COBLL1: variants seen among roughly 807,000 people sequenced by gnomAD.
COBLL1 encodes cordon-bleu protein-like 1.
In COBLL1, 50 loss-of-function variants were observed where a neutral mutation model predicts 94.8. That is an observed-to-expected ratio of 0.53 (90% CI 0.42 to 0.67). The LOEUF (loss-of-function observed/expected upper bound fraction) is 0.67, where lower values mean the gene tolerates loss of function less well. COBLL1 is among the 30% of genes least tolerant of loss of function. The pLI, the probability that COBLL1 is intolerant of heterozygous loss-of-function variation, is 0.00. For missense variants in COBLL1, 1,362 were observed against 1,348.7 expected (o/e 1.01, Z -0.15); for synonymous variants, 448 against 473.8 (o/e 0.95, Z 0.71).
intron 2 of COBLL1, among the ~76,000 whole-genome samples, chr2:164,825,237 G>A (rs928069258): frequency 6.6e-6 from 1 of 152,098 alleles, no homozygotes; most frequent in Non-Finnish European, 1.5e-5. Flanking sequence ...TTAATTAGTG[G>A]AAATTTGAAT....
At chr2:164,660,259 T>G (rs1691048975) in intron 2 of COBLL1, among the ~76,000 whole-genome samples, 2 of 152,178 alleles carry the variant, frequency 1.3e-5, no homozygotes, top group African/African-American at 2.4e-5. Context: ...ATTTGGAAAT[T>G]AAGGCTGTAC....
intron 2 of COBLL1, among the ~76,000 whole-genome samples, chr2:164,768,088 G>A (rs1185810546): frequency 6.6e-6 from 1 of 152,104 alleles, no homozygotes; most frequent in East Asian, 1.9e-4. Flanking sequence ...CAGGATTGCT[G>A]GAGAACTGTG....
At chr2:164,736,276 T>C (rs1035659469) in intron 3 of COBLL1, among the ~76,000 whole-genome samples, 2 of 152,166 alleles carry the variant, frequency 1.3e-5, no homozygotes, top group Non-Finnish European at 2.9e-5. Flanking sequence ...ACCCATGTAG[T>C]TCAGTAATGA....
intron 2 of COBLL1, among the ~76,000 whole-genome samples, chr2:164,753,753 T>TG (rs935499415): frequency 6.6e-6 from 1 of 151,606 alleles, no homozygotes; most frequent in Non-Finnish European, 1.5e-5. Context: ...TTTTTTTTTT[T>TG]TTTTTTAAGA....
chr2:164,830,532 A>G (rs1218216043), intron 2 of COBLL1, among the ~76,000 whole-genome samples: 1 of 152,234 alleles, frequency 6.6e-6, no homozygotes, highest in Non-Finnish European at 1.5e-5. Flanking sequence ...TTAGAAAGCT[A>G]TAAAAATTCT....
chr2:164,734,735 G>A (rs762497353), intron 3 of COBLL1, among the ~76,000 whole-genome samples: 1 of 152,150 alleles, frequency 6.6e-6, no homozygotes, highest in Non-Finnish European at 1.5e-5. Context: ...GGGCAGGATT[G>A]GAGGGACAAA....
chr2:164,787,797 TATA>T (rs1444913732), intron 2 of COBLL1, among the ~76,000 whole-genome samples: 1 of 152,224 alleles, frequency 6.6e-6, no homozygotes. Context: ...TTGTATTTAC[TATA>T]ATAATAGCTT....
At chr2:164,836,117 T>C (rs941556676) in intron 2 of COBLL1, among the ~76,000 whole-genome samples, 3 of 152,120 alleles carry the variant, frequency 2.0e-5, no homozygotes, top group Non-Finnish European at 4.4e-5. Context: ...TTTTAATAAA[T>C]AATTTCATTT....
chr2:164,835,170 C>T (rs899644088), intron 2 of COBLL1, among the ~76,000 whole-genome samples: 1 of 152,130 alleles, frequency 6.6e-6, no homozygotes, highest in Admixed American at 6.5e-5. Flanking sequence ...TCTAACAACA[C>T]ACCCAAAAGA....
At position 164,695,694 on chromosome 2, in the gene COBLL1, C is replaced by T. The variant is rs755269804; in HGVS notation, c.1698G>A (p.Glu566=). 24 of 1,613,720 alleles carry T rather than the reference C, an allele frequency of 1.5e-5. No individual in the cohort carries two copies. The highest frequency in any genetic ancestry group is 1.9e-5 in the Non-Finnish European group (23 of 1,179,876). The part of the protein sequence containing the change: ...DMEVERPSNS[E]AHETDTAISY... ...TTATAGCAGTATCAGTTTCATGTGCCTCAGAGTTTGATGGTCTCTCAACTT... is the reference window on the plus strand; with the variant it reads ...TTATAGCAGTATCAGTTTCATGTGCTTCAGAGTTTGATGGTCTCTCAACTT... Residue 566 remains glutamate, a synonymous_variant, in exon 12 of 14, where the codon GAG becomes GAA. Transcript: ENST00000652658.
intron 2 of COBLL1, among the ~76,000 whole-genome samples, chr2:164,660,300 A>C (rs1473436280): frequency 6.6e-6 from 1 of 152,200 alleles, no homozygotes; most frequent in Non-Finnish European, 1.5e-5. Flanking sequence ...GTAAGTAAAC[A>C]GGGAAATAAA....
intron 7 of COBLL1, among the ~76,000 whole-genome samples, chr2:164,706,617 T>C (rs905891881): frequency 3.6e-4 from 55 of 152,316 alleles, no homozygotes; most frequent in African/African-American, 1.3e-3. Context: ...CAGCCTTCCC[T>C]GTCTTAGTAA....
intron 2 of COBLL1, among the ~76,000 whole-genome samples, chr2:164,793,879 C>A (rs1272984920): frequency 1.3e-5 from 2 of 152,148 alleles, no homozygotes; most frequent in African/African-American, 4.8e-5. Flanking sequence ...TCATTAGCAT[C>A]ATCTATTAGG....
chr2:164,760,975 A>G (rs957158967), intron 2 of COBLL1, among the ~76,000 whole-genome samples: 1 of 152,224 alleles, frequency 6.6e-6, no homozygotes, highest in African/African-American at 2.4e-5. Flanking sequence ...ATCCCCATCA[A>G]TAACTGTTGT....
chr2:164,781,365 A>G (rs879869059), intron 2 of COBLL1, among the ~76,000 whole-genome samples: 1 of 152,228 alleles, frequency 6.6e-6, no homozygotes, highest in Non-Finnish European at 1.5e-5. Flanking sequence ...GGCTGATAAA[A>G]ATAAAATTGC....
intron 2 of COBLL1, among the ~76,000 whole-genome samples, chr2:164,813,941 T>C (rs1574636244): frequency 6.6e-6 from 1 of 152,160 alleles, no homozygotes; most frequent in South Asian, 2.1e-4. Context: ...ACAGAGGCTG[T>C]GAGAATCAAG....
In COBLL1 at chr2:164,713,848, T is replaced by C. The variant is rs142657805; in HGVS notation, c.996+8227A>G. On this transcript the variant is annotated intron_variant, in intron 7 of 13. Transcript: ENST00000652658. ...GGAGTAATGCCAGGATTAGACACCGTCATCTCGTTAACGTTGATCAAACCA... is the reference window on the plus strand; with the variant it reads ...GGAGTAATGCCAGGATTAGACACCGCCATCTCGTTAACGTTGATCAAACCA... Among the ~76,000 whole-genome samples the C allele has an allele frequency of 8.7e-3, 1,323 of 152,278 alleles. 9 individuals carry two copies. Among genetic ancestry groups the C allele is most frequent in the Non-Finnish European group, 0.012 (827 of 68,016 alleles).
intron 1 of COBLL1, among the ~76,000 whole-genome samples, chr2:164,667,698 C>T (rs1033632896): frequency 2.6e-5 from 4 of 152,210 alleles, no homozygotes; most frequent in African/African-American, 9.6e-5. Flanking sequence ...AGCTTCATCT[C>T]TCTCAGCCTT....
intron 9 of COBLL1, among the ~76,000 whole-genome samples, chr2:164,701,723 A>G (rs2105447318): frequency 6.6e-6 from 1 of 152,294 alleles, no homozygotes; most frequent in African/African-American, 2.4e-5. Context: ...GGTAAAAGAG[A>G]AGGAGGCATC....
Sources: gnomAD v4.1 joint callset for allele counts (sites outside exome capture counted in the v4.1 genomes callset) on GRCh38, gnomAD v4.1.1 for gene constraint, MANE v1.5 for transcripts, NCBI Gene and HGNC (gene_info 2026-07-23, HGNC 2026-07-21) for gene names.